Variants in ANK1 observed in about 807,000 individuals in gnomAD.
The protein encoded by ANK1 is ankyrin-1.
ANK1 carries 51 observed loss-of-function variants against 210.4 expected under a neutral mutation model. The ratio of observed to expected loss-of-function variants is 0.24; its 90% CI spans 0.19 to 0.31. The LOEUF is 0.31. Ranked by LOEUF, ANK1 falls within the 10% of genes least tolerant of loss-of-function variation. The pLI, the probability that ANK1 is intolerant of heterozygous loss-of-function variation, is 1.00. For missense variants in ANK1, 2,051 were observed against 2,504.4 expected (o/e 0.82, Z 3.86); for synonymous variants, 967 against 1,025.9 (o/e 0.94, Z 1.10).
At chr8:41,803,027 AAGAAAG>A (rs1204074744) in intron 1 of ANK1, among the ~76,000 whole-genome samples, 5 of 100,696 alleles carry the variant, frequency 5.0e-5, no homozygotes, top group Non-Finnish European at 1.0e-4. Context: ...GAAAGAAAGA[AAGAAAG>A]AAAGAAAGAG....
At position 41,696,770 on chromosome 8, in the gene ANK1, A is replaced by G; in HGVS notation, c.2641T>C (p.Ser881Pro). Residue 881 changes from serine to proline, a missense_variant, in exon 25 of 43, where the codon TCT becomes CCT. Around this residue, in one of 6 missense-constraint regions of ANK1, gnomAD observed 1,413 missense variants for 1,707.4 expected, o/e 0.83. Transcript: ENST00000289734. ...AGGGAGTCCTCATCATACTCTTTAG[A>G]TGCCTGAGGAGAGAGAAAGGGTCCT... ...VIRSEEQEQA[S>P]KEYDEDSLIP... The G allele has an allele frequency of 6.3e-7, 1 of 1,599,638 alleles. No homozygotes were observed. Among genetic ancestry groups the G allele is most frequent in the Non-Finnish European group, 8.5e-7 (1 of 1,179,644 alleles).
At chr8:41,876,747 G>T (rs1182159229) in intron 1 of ANK1, among the ~76,000 whole-genome samples, 1 of 152,164 alleles carries the variant, frequency 6.6e-6, no homozygotes, top group Non-Finnish European at 1.5e-5. Context: ...GAAGATGAAA[G>T]GTTTGTTGGG....
intron 24 of ANK1, among the ~76,000 whole-genome samples, chr8:41,697,553 G>A (rs1821410944): frequency 6.6e-6 from 1 of 151,914 alleles, no homozygotes; most frequent in Non-Finnish European, 1.5e-5. Context: ...ACCACACAGT[G>A]GAGCACTCCC....
At position 41,654,048 on chromosome 8, in the gene ANK1, G is replaced by A. The variant is rs1445211485; in HGVS notation, c.*1742C>T. The A allele has an allele frequency of 6.6e-6, 1 of 152,394 alleles. No homozygotes were observed. The highest frequency in any genetic ancestry group is 1.5e-5 in the Non-Finnish European group (1 of 68,012). 9.4% of individuals were successfully genotyped at this position (152,394 alleles called of 1,614,324 possible). On this transcript the variant is annotated 3_prime_UTR_variant, in exon 43 of 43. Coordinates refer to ENST00000289734, the MANE Select transcript of ANK1 (RefSeq NM_000037.4). ...GAGGGGGCTTCTGTGCTACTTGGAA[G>A]GTTTAAGTGTGTCCCGAGGACACTC...
At chr8:41,852,287 C>T (rs571634178) in intron 1 of ANK1, among the ~76,000 whole-genome samples, 4 of 152,192 alleles carry the variant, frequency 2.6e-5, no homozygotes, top group Non-Finnish European at 4.4e-5. Context: ...TCATAAAGGG[C>T]CTGGCCCGCC....
chr8:41,871,656 A>G (rs1185384347), intron 1 of ANK1, among the ~76,000 whole-genome samples: 1 of 152,118 alleles, frequency 6.6e-6, no homozygotes, highest in Non-Finnish European at 1.5e-5. Flanking sequence ...AAAGGAGCCG[A>G]CCCTGCTGAC....
rs770455994 is a variant in ANK1 at position 41,668,347 on chromosome 8, G to C, written c.5314C>G (p.Gln1772Glu). 3 of 1,614,208 alleles carry C rather than the reference G, an allele frequency of 1.9e-6. No individual in the cohort carries two copies. Among genetic ancestry groups the C allele is most frequent in the Admixed American group, 1.7e-5 (1 of 60,032 alleles). ...WTEQPEAESS[Q>E]ADRDRRQQGQ... ...TGCTGCCTCCGGTCCCTGTCGGCCT[G>C]GGAGCTCTCAGCCTCGGGCTGTTCT... The change falls in exon 39 of 43, where the codon CAG becomes GAG. Residue 1772 changes from glutamine to glutamate, a missense_variant. This residue lies in a region of ANK1 where 496 missense variants were observed against 533.4 expected (regional missense o/e 0.93). Transcript: ENST00000289734.
chr8:41,839,636 G>A (rs1808470325), intron 1 of ANK1, among the ~76,000 whole-genome samples: 1 of 152,154 alleles, frequency 6.6e-6, no homozygotes, highest in African/African-American at 2.4e-5. Context: ...CACCCACTGT[G>A]GGACTTCATC....
At chr8:41,795,319 C>G (rs1334692353) in intron 1 of ANK1, among the ~76,000 whole-genome samples, 2 of 151,888 alleles carry the variant, frequency 1.3e-5, no homozygotes, top group Non-Finnish European at 2.9e-5. Flanking sequence ...TCGAGACCAG[C>G]CTGGCCAACA....
intron 1 of ANK1, among the ~76,000 whole-genome samples, chr8:41,788,315 C>T (rs1431900568): frequency 6.6e-6 from 1 of 152,154 alleles, no homozygotes; most frequent in Non-Finnish European, 1.5e-5. Context: ...AACAAGAACA[C>T]AGAATGGCAG....
intron 20 of ANK1, among the ~76,000 whole-genome samples, chr8:41,703,282 C>T (rs1246023418): frequency 1.3e-5 from 2 of 151,490 alleles, no homozygotes; most frequent in African/African-American, 4.9e-5. Flanking sequence ...CCACCCAGGA[C>T]ATTTAATTAT....
At chr8:41,759,684 T>C (rs1441605416) in intron 1 of ANK1, among the ~76,000 whole-genome samples, 1 of 152,208 alleles carries the variant, frequency 6.6e-6, no homozygotes, top group Non-Finnish European at 1.5e-5. Context: ...TACTTGAGGA[T>C]CTGTGGATTT....
At chr8:41,737,354 G>A (rs1833687692) in intron 2 of ANK1, among the ~76,000 whole-genome samples, 1 of 152,210 alleles carries the variant, frequency 6.6e-6, no homozygotes, top group Admixed American at 6.5e-5. Context: ...ATCAGATGAT[G>A]AAAGCATATC....
At chr8:41,723,255 CA>C (rs772050622) in intron 8 of ANK1, 32 bp from the exon 9 acceptor site, 109 of 1,609,152 alleles carry the variant, frequency 6.8e-5, no homozygotes, top group Middle Eastern at 6.7e-4. Context: ...ACAGAAAGCC[CA>C]AAAGGCAGCT....
chr8:41,694,977 A>G lies in ANK1; in HGVS notation c.3116-174T>C, dbSNP rs897459587. On this transcript the variant is annotated intron_variant, in intron 27 of 42. Coordinates refer to ENST00000289734, the MANE Select transcript of ANK1 (RefSeq NM_000037.4). The surrounding 1 kb of genome is among the most constrained non-coding windows in gnomAD (Gnocchi z 5.7). ...AAGAAGTGCCCAGGCCCAGAGGCCC[A>G]GCAGAGCAGATGCGGCTGCAGGCAG... Among the ~76,000 whole-genome samples, 2 of 152,202 alleles carry G rather than the reference A, an allele frequency of 1.3e-5. No individual in the cohort carries two copies. Among genetic ancestry groups the G allele is most frequent in the Non-Finnish European group, 2.9e-5 (2 of 68,034 alleles).
intron 38 of ANK1, among the ~76,000 whole-genome samples, chr8:41,669,178 A>T (rs1811467256): frequency 6.6e-6 from 1 of 151,130 alleles, no homozygotes; most frequent in Middle Eastern, 3.2e-3. Flanking sequence ...AAGCAAGCTC[A>T]TTCATCCCAT....
chr8:41,786,006 AC>A (rs1846293693), intron 1 of ANK1, among the ~76,000 whole-genome samples: 1 of 152,064 alleles, frequency 6.6e-6, no homozygotes, highest in Admixed American at 6.5e-5. Flanking sequence ...CTTACAGCCA[AC>A]TTAAAGGCAC....
At chr8:41,891,625 A>C (rs1379467879) in intron 1 of ANK1, among the ~76,000 whole-genome samples, 2 of 152,242 alleles carry the variant, frequency 1.3e-5, no homozygotes, top group East Asian at 3.8e-4. Context: ...TCCTGGGAAC[A>C]GCCCCCACCA....
At position 41,684,578 on chromosome 8, in the gene ANK1, G is replaced by A; in HGVS notation, c.4503C>T (p.Asp1501=). 18 of 1,613,816 alleles carry A rather than the reference G, an allele frequency of 1.1e-5. No individual in the cohort carries two copies. The highest frequency in any genetic ancestry group is 1.5e-5 in the Non-Finnish European group (18 of 1,180,050). The change falls in exon 37 of 43, where the codon GAC becomes GAT. Residue 1501 remains aspartate, a synonymous_variant. Transcript: ENST00000289734. ...GGGAGGGTGACAGCGAGTAGTCGCG[G>A]TCGGTGTGCCGCCTGTCTGGCTTCA... ...RNLKPDRRHT[D]RDYSLSPSQM...
Sources: allele counts gnomAD v4.1 joint callset (sites outside exome capture counted in the v4.1 genomes callset), GRCh38; gene constraint gnomAD v4.1.1; regional missense constraint gnomAD v4.1.1; non-coding constraint Gnocchi (gnomAD v3.1); transcripts MANE v1.5; gene names NCBI Gene and HGNC (gene_info 2026-07-23, HGNC 2026-07-21).